Variants in KCNH1 observed in about 807,000 individuals in gnomAD.
KCNH1 encodes voltage-gated delayed rectifier potassium channel KCNH1.
Under a neutral mutation model 69.2 loss-of-function variants are expected in KCNH1, and 27 were observed. That is an observed-to-expected ratio of 0.39 (90% CI 0.29 to 0.54). KCNH1 has a LOEUF of 0.54. KCNH1 is among the 20% of genes least tolerant of loss of function. KCNH1 has a pLI of 0.68. For synonymous variants in KCNH1, 456 were observed against 487.7 expected (o/e 0.93, Z 0.86); for missense variants, 798 against 1,261.6 (o/e 0.63, Z 5.57).
At chr1:211,031,315 C>G (rs891043109) in intron 5 of KCNH1, among the ~76,000 whole-genome samples, 13 of 152,150 alleles carry the variant, frequency 8.5e-5, no homozygotes, top group Admixed American at 5.2e-4. Flanking sequence ...ACCAGAGGTA[C>G]AAGGAGGAGC....
chr1:210,765,022 G>C (rs141122614), intron 10 of KCNH1, among the ~76,000 whole-genome samples: 122 of 152,252 alleles, frequency 8.0e-4, no homozygotes, highest in African/African-American at 2.9e-3. Context: ...ATACTACAGA[G>C]CCATTAAAAA....
At chr1:210,745,233 C>A (rs1411161987) in intron 10 of KCNH1, among the ~76,000 whole-genome samples, 1 of 151,736 alleles carries the variant, frequency 6.6e-6, no homozygotes, top group Non-Finnish European at 1.5e-5. Flanking sequence ...TGTTTAAGTG[C>A]TATGAAGAAA....
chr1:210,899,650 G>A (rs1405706400), intron 7 of KCNH1, among the ~76,000 whole-genome samples: 1 of 152,172 alleles, frequency 6.6e-6, no homozygotes, highest in African/African-American at 2.4e-5. Flanking sequence ...CTCTCAAAAT[G>A]TATTTGTGTT....
intron 10 of KCNH1, among the ~76,000 whole-genome samples, chr1:210,767,845 T>C (rs970693916): frequency 1.3e-5 from 2 of 152,246 alleles, no homozygotes; most frequent in Non-Finnish European, 2.9e-5. Context: ...AAACACTGTA[T>C]GTAACAGTAC....
At position 211,133,174 on chromosome 1, in the gene KCNH1, T is replaced by TGG. The variant is rs1691908225; in HGVS notation, c.79+692_79+693insCC. The TGG allele has an allele frequency of 6.6e-6, 1 of 152,206 alleles. No individual in the cohort carries two copies. Among genetic ancestry groups the TGG allele is most frequent in the Non-Finnish European group, 1.5e-5 (1 of 68,088 alleles). The allele number at this position is 152,206 out of a possible 1,614,324, so 9.4% of individuals were successfully genotyped here. On this transcript the variant is annotated intron_variant, in intron 1 of 10. Coordinates refer to ENST00000271751, the MANE Select transcript of KCNH1 (RefSeq NM_172362.3). The surrounding 1 kb of genome is among the most constrained non-coding windows in gnomAD (Gnocchi z 5.4). ...TTGTGGGTTTGGAAGAGGGGAAATA[T>TGG]AACAGGTTTGTACCTGTGACCATTT... is the stretch of plus-strand genomic sequence containing the variant.
At chr1:211,033,919 A>G (rs1689846380) in intron 5 of KCNH1, among the ~76,000 whole-genome samples, 1 of 152,190 alleles carries the variant, frequency 6.6e-6, no homozygotes, top group South Asian at 2.1e-4. Context: ...TATAATCAAA[A>G]AAAAAAAGTG....
intron 6 of KCNH1, among the ~76,000 whole-genome samples, chr1:211,008,045 C>CTA (rs574252356): frequency 1.1e-4 from 17 of 151,792 alleles, no homozygotes; most frequent in South Asian, 2.1e-4. Context: ...AATTCTACTT[C>CTA]TATATATATA....
At chr1:210,848,961 A>G (rs1229227603) in intron 7 of KCNH1, among the ~76,000 whole-genome samples, 28 of 152,218 alleles carry the variant, frequency 1.8e-4, no homozygotes, top group Admixed American at 1.8e-3. Context: ...AGAAATGTAC[A>G]CAACTAATTA....
intron 6 of KCNH1, among the ~76,000 whole-genome samples, chr1:211,010,840 C>A (rs1689378103): frequency 6.6e-6 from 1 of 152,158 alleles, no homozygotes; most frequent in South Asian, 2.1e-4. Flanking sequence ...AAAGAGGAGC[C>A]AAGAAAAGTT....
chr1:211,039,950 G>A (rs112231896), intron 5 of KCNH1, among the ~76,000 whole-genome samples: 4,031 of 152,268 alleles, frequency 0.026, 97 homozygotes, highest in South Asian at 0.06. Context: ...AGCACTTTGG[G>A]AGGCTGAGGC....
intron 6 of KCNH1, among the ~76,000 whole-genome samples, chr1:210,937,675 T>G (rs1037094871): frequency 6.6e-6 from 1 of 152,152 alleles, no homozygotes; most frequent in Non-Finnish European, 1.5e-5. Flanking sequence ...ACAACATGAT[T>G]TGGGGCATTG....
chr1:210,872,864 T>A (rs532134378), intron 7 of KCNH1, among the ~76,000 whole-genome samples: 60 of 152,174 alleles, frequency 3.9e-4, no homozygotes, highest in Non-Finnish European at 4.9e-4. Context: ...GGGACACAGA[T>A]CCAAACCATA....
intron 7 of KCNH1, among the ~76,000 whole-genome samples, chr1:210,887,162 C>T (rs2102516600): frequency 6.6e-6 from 1 of 152,148 alleles, no homozygotes; most frequent in Non-Finnish European, 1.5e-5. Context: ...TCGGGTTACC[C>T]ACAAAGGGAA....
chr1:211,079,518 A>G (rs971139456), intron 5 of KCNH1, among the ~76,000 whole-genome samples: 1 of 152,232 alleles, frequency 6.6e-6, no homozygotes, highest in African/African-American at 2.4e-5. Context: ...CAACAAAAAA[A>G]GAGAATTTTA....
intron 10 of KCNH1, among the ~76,000 whole-genome samples, chr1:210,768,214 G>A (rs1004827812): frequency 3.9e-5 from 6 of 152,068 alleles, no homozygotes; most frequent in Non-Finnish European, 5.9e-5. Context: ...CATTATCATC[G>A]TCTTCTTTAT....
chr1:210,720,868 G>C (rs1258869756), intron 10 of KCNH1, among the ~76,000 whole-genome samples: 1 of 152,140 alleles, frequency 6.6e-6, no homozygotes, highest in Non-Finnish European at 1.5e-5. Context: ...CTCCTCACAG[G>C]GTAGTGGGAG....
At chr1:210,888,508 C>A (rs1686671253) in intron 7 of KCNH1, among the ~76,000 whole-genome samples, 1 of 152,022 alleles carries the variant, frequency 6.6e-6, no homozygotes. Context: ...ACTAGAGAAG[C>A]AAGAGCAAAC....
At chr1:210,869,727 C>T (rs1366484328) in intron 7 of KCNH1, among the ~76,000 whole-genome samples, 2 of 152,006 alleles carry the variant, frequency 1.3e-5, no homozygotes, top group African/African-American at 4.8e-5. Context: ...TTATTTAGTC[C>T]TATAACTAAG....
intron 6 of KCNH1, among the ~76,000 whole-genome samples, chr1:210,960,849 T>A (rs1405622953): frequency 2.6e-5 from 4 of 152,222 alleles, no homozygotes; most frequent in Non-Finnish European, 5.9e-5. Context: ...AAATGATTAT[T>A]CTATTTTATG....
Sources: allele counts gnomAD v4.1 joint callset (sites outside exome capture counted in the v4.1 genomes callset), GRCh38; gene constraint gnomAD v4.1.1; non-coding constraint Gnocchi (gnomAD v3.1); transcripts MANE v1.5; gene names NCBI Gene and HGNC (gene_info 2026-07-23, HGNC 2026-07-21).